The following SAE1 variants were observed in gnomAD, a reference collection of about 807,000 sequenced individuals.
The protein encoded by SAE1 is SUMO1 activating enzyme subunit 1.
Under a neutral mutation model 40.6 loss-of-function variants are expected in SAE1, and 11 were observed. The ratio of observed to expected loss-of-function variants is 0.27; its 90% CI spans 0.17 to 0.45. The LOEUF (loss-of-function observed/expected upper bound fraction) is 0.45. Among genes scored for constraint, SAE1 ranks in the 20% least tolerant of loss-of-function variants. SAE1 has a pLI of 1.00. For missense variants in SAE1, 373 were observed against 427.3 expected (o/e 0.87, Z 1.12); for synonymous variants, 155 against 154.3 (o/e 1.00, Z -0.03).
intron 3 of SAE1, among the ~76,000 whole-genome samples, chr19:47,150,964 G>A (rs2058284466): frequency 6.6e-6 from 1 of 152,194 alleles, no homozygotes; most frequent in Admixed American, 6.5e-5. Flanking sequence ...AATCTATGCG[G>A]AGGTGAAAGG....
intron 5 of SAE1, among the ~76,000 whole-genome samples, chr19:47,160,178 T>C (rs77562995): frequency 0.016 from 2,449 of 151,284 alleles, 57 homozygotes; most frequent in African/African-American, 0.057. Flanking sequence ...GTTGCCTGGA[T>C]TGGAACCCTC....
intron 5 of SAE1, among the ~76,000 whole-genome samples, chr19:47,156,035 G>C (rs146968502): frequency 6.6e-6 from 1 of 151,794 alleles, no homozygotes; most frequent in Non-Finnish European, 1.5e-5. Flanking sequence ...CACCATGCCC[G>C]ACCAGAAAAC....
At chr19:47,143,305 G>C (rs543600867) in intron 1 of SAE1, among the ~76,000 whole-genome samples, 189 bp from the exon 2 acceptor site, 3 of 152,052 alleles carry the variant, frequency 2.0e-5, no homozygotes, top group African/African-American at 7.2e-5. Context: ...GGGTTTCACC[G>C]TGTTGGTCAG....
chr19:47,204,254 G>A (rs1314647962), intron 8 of SAE1, among the ~76,000 whole-genome samples: 1 of 125,836 alleles, frequency 7.9e-6, no homozygotes, highest in African/African-American at 3.1e-5. Flanking sequence ...CTGGAGTGCA[G>A]TAGCACGATC....
At chr19:47,175,724 G>A (rs190634403) in intron 6 of SAE1, among the ~76,000 whole-genome samples, 10 of 152,282 alleles carry the variant, frequency 6.6e-5, no homozygotes, top group Admixed American at 2.6e-4. Context: ...GCAACAGAAC[G>A]AGACTCTGTC....
chr19:47,170,238 A>C (rs555910583), intron 6 of SAE1, among the ~76,000 whole-genome samples: 411 of 151,906 alleles, frequency 2.7e-3, no homozygotes, highest in Middle Eastern at 6.8e-3. Context: ...TTTGAGACAG[A>C]GTCTTGCTCT....
intron 1 of SAE1, 83 bp from the exon 2 acceptor site, chr19:47,143,411 A>G: frequency 8.3e-7 from 1 of 1,197,658 alleles, no homozygotes; most frequent in Non-Finnish European, 1.2e-6. Context: ...GGCAAACCAA[A>G]ATGATTTGTG....
rs1372970285 is a variant in SAE1 at position 47,209,171 on chromosome 19, C to T, written c.961C>T (p.Arg321Trp). The change falls in exon 9 of 9, where the codon CGG becomes TGG. Residue 321 changes from arginine to tryptophan, a missense_variant. Arg to Trp is a moderately radical substitution (Grantham distance 101, BLOSUM62 -3). This residue lies in a region of SAE1 where 351 missense variants were observed against 390.6 expected (regional missense o/e 0.90). Coordinates refer to ENST00000270225, the MANE Select transcript of SAE1 (RefSeq NM_005500.3). ...AQEIVKALSQ[R>W]DPPHNNFFFF... is the part of the protein sequence containing the mutation. Reference sequence around the variant, plus strand: ...TTTTTCTCCCCAGGCCCTGTCTCAGCGGGACCCTCCTCACAACAACTTCTT... The same window carrying T: ...TTTTTCTCCCCAGGCCCTGTCTCAGTGGGACCCTCCTCACAACAACTTCTT... 1 of 1,613,888 alleles carries T rather than the reference C, an allele frequency of 6.2e-7. No individual in the cohort carries two copies. The highest frequency in any genetic ancestry group is 8.5e-7 in the Non-Finnish European group (1 of 1,179,908).
At chr19:47,172,567 G>A (rs2058441002) in intron 6 of SAE1, among the ~76,000 whole-genome samples, 1 of 152,040 alleles carries the variant, frequency 6.6e-6, no homozygotes, top group Admixed American at 6.6e-5. Flanking sequence ...AGCCGGATGA[G>A]GTGGTGTGCG....
chr19:47,139,091 A>G (rs1287009173), intron 1 of SAE1, among the ~76,000 whole-genome samples: 3 of 152,198 alleles, frequency 2.0e-5, no homozygotes, highest in African/African-American at 7.2e-5. Context: ...AGCTGGGACT[A>G]CAGGCACGTG....
intron 6 of SAE1, among the ~76,000 whole-genome samples, chr19:47,194,043 T>C (rs186982711): frequency 5.4e-4 from 82 of 152,198 alleles, no homozygotes; most frequent in Non-Finnish European, 4.4e-5. Context: ...TGGAACACTT[T>C]ATAACCCATT....
chr19:47,132,677 A>G (rs1355059768), intron 1 of SAE1, among the ~76,000 whole-genome samples: 2 of 152,078 alleles, frequency 1.3e-5, no homozygotes, highest in African/African-American at 2.4e-5. Context: ...TCTTGAGCCC[A>G]GGAGTTTGAG....
At chr19:47,176,253 A>G (rs2058468118) in intron 6 of SAE1, among the ~76,000 whole-genome samples, 2 of 152,144 alleles carry the variant, frequency 1.3e-5, no homozygotes, top group East Asian at 3.8e-4. Context: ...GTCATCTATG[A>G]CCAGTCTCAT....
intron 6 of SAE1, among the ~76,000 whole-genome samples, chr19:47,175,922 T>C (rs931380187): frequency 2.6e-5 from 4 of 152,226 alleles, no homozygotes; most frequent in Admixed American, 1.3e-4. Flanking sequence ...AAGAAACATT[T>C]GAATTGTATT....
At chr19:47,132,163 A>C (rs1352517881) in intron 1 of SAE1, among the ~76,000 whole-genome samples, 1 of 150,992 alleles carries the variant, frequency 6.6e-6, no homozygotes, top group Non-Finnish European at 1.5e-5. Context: ...GGTTTTCACC[A>C]TGTTGGCCAG....
At chr19:47,199,274 A>G (rs1367874400) in intron 7 of SAE1, among the ~76,000 whole-genome samples, 3 of 149,736 alleles carry the variant, frequency 2.0e-5, no homozygotes, top group East Asian at 4.0e-4. Context: ...AGTCCCAGCT[A>G]CTCGGGAGGC....
At chr19:47,203,268 G>A (rs1022194270) in intron 7 of SAE1, among the ~76,000 whole-genome samples, 2 of 152,122 alleles carry the variant, frequency 1.3e-5, no homozygotes, top group African/African-American at 4.8e-5. Flanking sequence ...ACACAGGCCT[G>A]CTCCCTGACA....
intron 5 of SAE1, among the ~76,000 whole-genome samples, chr19:47,168,804 A>G (rs980810351): frequency 5.3e-5 from 8 of 152,160 alleles, no homozygotes; most frequent in East Asian, 3.9e-4. Flanking sequence ...GGGTTTCACT[A>G]TGTTGGTCAG....
intron 7 of SAE1, among the ~76,000 whole-genome samples, chr19:47,199,331 G>C (rs1254113273): frequency 6.9e-6 from 1 of 144,896 alleles, no homozygotes; most frequent in East Asian, 2.1e-4. Context: ...GTTGCAGTGA[G>C]CTGAGATCAC....
Sources: gnomAD v4.1 joint callset for allele counts (sites outside exome capture counted in the v4.1 genomes callset) on GRCh38, gnomAD v4.1.1 for gene constraint, gnomAD v4.1.1 regional missense constraint, MANE v1.5 for transcripts, NCBI Gene and HGNC (gene_info 2026-07-23, HGNC 2026-07-21) for gene names.